The following GLDC variants were observed in gnomAD, a reference collection of about 807,000 sequenced individuals.
GLDC encodes the protein glycine decarboxylase.
Under a neutral mutation model 121.3 loss-of-function variants are expected in GLDC, and 104 were observed. That is an observed-to-expected ratio of 0.86 (90% CI 0.73 to 1.01). The LOEUF (loss-of-function observed/expected upper bound fraction) is 1.01. Among genes scored for constraint, GLDC ranks in the 50% least tolerant of loss-of-function variants. The probability of loss-of-function intolerance (pLI) is 0.00; values close to 1 mark genes in which losing one functional copy is unlikely to be tolerated. For missense variants in GLDC, 1,429 were observed against 1,306.6 expected, an observed-to-expected ratio of 1.09 and a Z score of -1.44; for synonymous variants, 546 against 480.6, an observed-to-expected ratio of 1.14 and a Z score of -1.78.
intron 15 of GLDC, among the ~76,000 whole-genome samples, chr9:6,583,084 G>T (rs1479469743): frequency 6.6e-6 from 1 of 152,120 alleles, no homozygotes; most frequent in Non-Finnish European, 1.5e-5. Flanking sequence ...TGGGGGACGT[G>T]GAGAAATCAG....
intron 3 of GLDC, among the ~76,000 whole-genome samples, chr9:6,615,061 G>C (rs145429326): frequency 2.8e-4 from 42 of 152,252 alleles, no homozygotes; most frequent in African/African-American, 9.4e-4. Context: ...TTGTGAACTG[G>C]GATAAATAAC....
chr9:6,569,988 A>G (rs1817926451), intron 15 of GLDC, among the ~76,000 whole-genome samples: 1 of 152,128 alleles, frequency 6.6e-6, no homozygotes. Flanking sequence ...GGCCGGGGGG[A>G]TTAAAAAACA....
At chr9:6,575,438 A>C (rs1318599887) in intron 15 of GLDC, among the ~76,000 whole-genome samples, 1 of 152,186 alleles carries the variant, frequency 6.6e-6, no homozygotes, top group Non-Finnish European at 1.5e-5. Context: ...GGATTTGTTA[A>C]AAATGCAAAT....
chr9:6,639,338 C>T (rs1323156888), intron 2 of GLDC: 1 of 938,990 alleles, frequency 1.1e-6, no homozygotes, highest in Non-Finnish European at 1.7e-6. Flanking sequence ...AAGAGCGCCC[C>T]CAGGAGAAAC....
At chr9:6,540,481 A>T (rs1227095891) in intron 21 of GLDC, 1 of 344,920 alleles carries the variant, frequency 2.9e-6, no homozygotes, top group Non-Finnish European at 5.5e-6. Context: ...CTGCGGACAT[A>T]AAATCTACTT....
intron 21 of GLDC, chr9:6,542,071 C>T (rs1354540716): frequency 6.6e-6 from 1 of 152,150 alleles, no homozygotes; most frequent in Non-Finnish European, 1.5e-5. Flanking sequence ...GAAACCCCAT[C>T]TCTACTAAAA....
chr9:6,568,173 G>T (rs1414356879), intron 15 of GLDC, among the ~76,000 whole-genome samples: 1 of 152,082 alleles, frequency 6.6e-6, no homozygotes, highest in Non-Finnish European at 1.5e-5. Context: ...CTAAAGACTT[G>T]ATCAGAAATG....
At chr9:6,611,524 C>G (rs1055402799) in intron 3 of GLDC, among the ~76,000 whole-genome samples, 12 of 150,278 alleles carry the variant, frequency 8.0e-5, no homozygotes, top group African/African-American at 2.7e-4. Flanking sequence ...CCACTGTACT[C>G]CAGCCTGGGC....
At chr9:6,591,411 C>T (rs1455753887) in intron 11 of GLDC, among the ~76,000 whole-genome samples, 1 of 152,150 alleles carries the variant, frequency 6.6e-6, no homozygotes, top group Non-Finnish European at 1.5e-5. Flanking sequence ...AAACTGTAAG[C>T]ACCAGGAGGA....
rs1818312081 is a variant in GLDC at position 6,588,431 on chromosome 9, G to T, written c.1677C>A (p.Thr559=). The change falls in exon 14 of 25, where the codon ACC becomes ACA. Residue 559 remains threonine, a synonymous_variant. Transcript: ENST00000321612. ...VHSMIPLGSC[T]MKLNSSSELA... ...GTTCAGACGAACTGTTCAGTTTCAT[G>T]GTGCAGGATCCCTTTAAGAAGAACA... 1.2e-6 allele frequency: 2 copies of T among 1,611,732 alleles called. No individual in the cohort carries two copies. The highest frequency in any genetic ancestry group is 2.7e-5 in the African/African-American group (2 of 74,836).
At chr9:6,534,886 G>C in intron 23 of GLDC, 98 bp from the exon 24 acceptor site, 1 of 726,800 alleles carries the variant, frequency 1.4e-6, no homozygotes. Context: ...AGGAGCCCAG[G>C]CAGAGAAAGC....
intron 18 of GLDC, among the ~76,000 whole-genome samples, chr9:6,555,694 A>AG (rs1489717584): frequency 6.6e-6 from 1 of 152,210 alleles, no homozygotes. Flanking sequence ...CGGGAGGCTG[A>AG]GGCAGCAGAA....
intron 21 of GLDC, among the ~76,000 whole-genome samples, chr9:6,550,231 T>A (rs927437129): frequency 6.6e-6 from 1 of 152,238 alleles, no homozygotes. Context: ...GGTATTTATG[T>A]ACACATTTCA....
At chr9:6,605,938 G>C (rs1174617881) in intron 5 of GLDC, 1 of 159,836 alleles carries the variant, frequency 6.3e-6, no homozygotes, top group Non-Finnish European at 1.4e-5. Context: ...ACAGTTGTAT[G>C]TGAGTCCCAT....
chr9:6,605,818 G>A (rs912634865), intron 5 of GLDC: 3 of 204,370 alleles, frequency 1.5e-5, no homozygotes, highest in Non-Finnish European at 3.0e-5. Context: ...TGTTTTACCT[G>A]ATTACAGCAC....
intron 2 of GLDC, among the ~76,000 whole-genome samples, chr9:6,631,679 G>C (rs770762977): frequency 9.9e-5 from 15 of 152,278 alleles, no homozygotes; most frequent in South Asian, 2.1e-4. Flanking sequence ...CATTGTCATG[G>C]CCTACAGAGC....
chr9:6,556,322 G>C lies in GLDC; in HGVS notation c.2053-20C>G. On this transcript the variant is annotated intron_variant, in intron 17 of 24. Coordinates refer to ENST00000321612, the MANE Select transcript of GLDC (RefSeq NM_000170.3). The stretch of plus-strand genomic sequence containing the variant: ...ATCCACCTGTGAAAGAAAAGGGGTA[G>C]AGAAGGACATGGAGGGAGGATATGT... The C allele has an allele frequency of 6.2e-7, 1 of 1,608,440 alleles. No homozygotes were observed. Among genetic ancestry groups the C allele is most frequent in the Non-Finnish European group, 8.5e-7 (1 of 1,174,794 alleles).
At chr9:6,625,587 G>A (rs1192320758) in intron 2 of GLDC, among the ~76,000 whole-genome samples, 1 of 152,094 alleles carries the variant, frequency 6.6e-6, no homozygotes, top group Non-Finnish European at 1.5e-5. Flanking sequence ...TAGGAATTTG[G>A]CTATTGTGCC....
chr9:6,639,696 A>C, intron 2 of GLDC: 1 of 142,424 alleles, frequency 7.0e-6, no homozygotes, highest in Non-Finnish European at 1.1e-5. Flanking sequence ...TATGGACAAA[A>C]CAGATTCTGC....
Sources: allele counts gnomAD v4.1 joint callset (sites outside exome capture counted in the v4.1 genomes callset), GRCh38; gene constraint gnomAD v4.1.1; transcripts MANE v1.5; gene names NCBI Gene and HGNC (gene_info 2026-07-23, HGNC 2026-07-21).